FBXO42: variants seen among roughly 807,000 people sequenced by gnomAD.
The protein encoded by FBXO42 is F-box only protein 42.
FBXO42 carries 12 observed loss-of-function variants against 71.7 expected under a neutral mutation model. That is an observed-to-expected ratio of 0.17 (90% CI 0.11 to 0.27). FBXO42 has a LOEUF of 0.27. Among genes scored for constraint, FBXO42 ranks in the 10% least tolerant of loss-of-function variants. The pLI is 1.00. For synonymous variants in FBXO42, 325 were observed against 327.5 expected (o/e 0.99, Z 0.08); for missense variants, 707 against 911.9 (o/e 0.78, Z 2.89).
chr1:16,329,071 G>A (rs1384244014), intron 1 of FBXO42, among the ~76,000 whole-genome samples: 1 of 150,446 alleles, frequency 6.6e-6, no homozygotes, highest in Non-Finnish European at 1.5e-5. Flanking sequence ...GCTGAGGCAC[G>A]AGAATTGCTT....
chr1:16,301,763 G>C (rs2082198145), intron 3 of FBXO42, among the ~76,000 whole-genome samples: 1 of 151,516 alleles, frequency 6.6e-6, no homozygotes, highest in African/African-American at 2.4e-5. Context: ...AATCTTGTGG[G>C]GGAGACATCA....
intron 4 of FBXO42, among the ~76,000 whole-genome samples, chr1:16,290,585 G>A (rs987904748): frequency 1.3e-5 from 2 of 152,008 alleles, no homozygotes; most frequent in African/African-American, 4.8e-5. Context: ...CCAGCTACTC[G>A]GGAGGCTGAG....
rs1260748583 is a variant in FBXO42 at position 16,351,559 on chromosome 1, C to CA, written c.-18+695dup. On this transcript the variant is annotated intron_variant, in intron 1 of 9. Coordinates refer to ENST00000375592, the MANE Select transcript of FBXO42 (RefSeq NM_018994.3). ...ACAAACCGAAGGTTTCAAACGAACTCAGCGCTGAAGTTACTCTGCAGCGAC... is the reference window on the plus strand; with the variant it reads ...ACAAACCGAAGGTTTCAAACGAACTCAAGCGCTGAAGTTACTCTGCAGCGAC... Among the ~76,000 whole-genome samples, 5 of 152,288 alleles carry CA rather than the reference C, an allele frequency of 3.3e-5. No homozygotes were observed. The East Asian group carries it at 9.7e-4, about 29-fold the overall frequency.
intron 3 of FBXO42, 121 bp from the exon 4 acceptor site, chr1:16,295,038 A>C: frequency 8.9e-7 from 1 of 1,122,174 alleles, no homozygotes; most frequent in East Asian, 2.6e-5. Flanking sequence ...ACCAAGTACC[A>C]AATTTCTATT....
In FBXO42 at chr1:16,270,674, CAAAAAAAAAA is replaced by C. The variant is rs34861558; in HGVS notation, c.503-13925_503-13916del. On this transcript the variant is annotated intron_variant, in intron 4 of 9. Transcript: ENST00000375592. The stretch of plus-strand genomic sequence containing the variant: ...AGCAATACAGAGAGACTCTGTCTCT[CAAAAAAAAAA>C]AAAAAAAAAAAAGAAAAGAAAAGAA... 2.7e-3 allele frequency among the ~76,000 whole-genome samples: 41 copies of C among 14,910 alleles called. 4 individuals carry two copies. Among genetic ancestry groups the C allele is most frequent in the African/African-American group, 8.6e-3 (40 of 4,628 alleles). 9.8% of individuals were successfully genotyped at this position (14,910 alleles called of 152,430 possible).
intron 1 of FBXO42, among the ~76,000 whole-genome samples, chr1:16,336,381 T>C (rs2082553880): frequency 6.6e-6 from 1 of 151,356 alleles, no homozygotes; most frequent in Non-Finnish European, 1.5e-5. Flanking sequence ...TTTTTTGAGA[T>C]GTAGTCTAGC....
chr1:16,276,142 G>A (rs901892981), intron 4 of FBXO42, among the ~76,000 whole-genome samples: 6 of 152,190 alleles, frequency 3.9e-5, no homozygotes, highest in South Asian at 2.1e-4. Flanking sequence ...AGCACTTTGG[G>A]AGGCCGAGGT....
rs774544026 is a variant in FBXO42 at position 16,315,165 on chromosome 1, G to A, written c.250+4C>T. ...TAAATAAACCTTTCTCCTATCCACA[G>A]TACCTTTGATAAGTCGATACCACTG... On this transcript the variant is annotated splice_donor_region_variant and intron_variant, in intron 2 of 9. Coordinates refer to ENST00000375592, the MANE Select transcript of FBXO42 (RefSeq NM_018994.3). The A allele has an allele frequency of 3.1e-6, 5 of 1,605,628 alleles. No individual in the cohort carries two copies. In the East Asian group the frequency reaches 9.0e-5, roughly 29 times the overall value.
At position 16,323,088 on chromosome 1, in the gene FBXO42, T is replaced by C. The variant is rs185182886; in HGVS notation, c.-17-7653A>G. Among the ~76,000 whole-genome samples the C allele has an allele frequency of 1.6e-3, 249 of 152,314 alleles. 2 individuals carry two copies. The highest frequency in any genetic ancestry group is 7.6e-4 in the Non-Finnish European group (52 of 68,034). Reference sequence around the variant, plus strand: ...CTAAAAGGAAGCTGAACATTTAAAATGCAATCAAACGTATTTGTCACAAAT... The same window carrying C: ...CTAAAAGGAAGCTGAACATTTAAAACGCAATCAAACGTATTTGTCACAAAT... On this transcript the variant is annotated intron_variant, in intron 1 of 9. Transcript: ENST00000375592.
intron 1 of FBXO42, among the ~76,000 whole-genome samples, chr1:16,330,356 C>T (rs373256407): frequency 1.3e-3 from 172 of 132,142 alleles, no homozygotes; most frequent in African/African-American, 4.9e-3. Context: ...GCCCTGTTTC[C>T]ACAAAAAAAA....
At chr1:16,260,612 A>T (rs1171714087) in intron 4 of FBXO42, among the ~76,000 whole-genome samples, 1 of 152,232 alleles carries the variant, frequency 6.6e-6, no homozygotes, top group African/African-American at 2.4e-5. Flanking sequence ...ACCTGAGGGC[A>T]CAACTCTTTA....
intron 1 of FBXO42, among the ~76,000 whole-genome samples, chr1:16,351,364 C>T (rs958989646): frequency 4.6e-5 from 7 of 152,172 alleles, no homozygotes; most frequent in Non-Finnish European, 8.8e-5. Flanking sequence ...ACGTCGGGGC[C>T]AGCAACTGCC....
intron 1 of FBXO42, among the ~76,000 whole-genome samples, chr1:16,351,882 A>C (rs1323050862): frequency 1.3e-5 from 2 of 151,900 alleles, no homozygotes; most frequent in Non-Finnish European, 2.9e-5. Flanking sequence ...TGGGCACCCG[A>C]CCCCCGACTC....
At position 16,305,935 on chromosome 1, in the gene FBXO42, C is replaced by A. The variant is rs145480899; in HGVS notation, c.251-16G>T. The A allele has an allele frequency of 7.7e-4, 1,197 of 1,546,746 alleles. 9 individuals carry two copies. The African/African-American group carries it at 0.014, about 19-fold the overall frequency. ...TGGGCTACACCTAAGACAGAAAGAG[C>A]AAACCCTTCAGTCCAGACACTTAAC... On this transcript the variant is annotated splice_polypyrimidine_tract_variant and intron_variant, in intron 2 of 9. Coordinates refer to ENST00000375592, the MANE Select transcript of FBXO42 (RefSeq NM_018994.3).
At chr1:16,285,007 G>A (rs1042450009) in intron 4 of FBXO42, among the ~76,000 whole-genome samples, 11 of 140,492 alleles carry the variant, frequency 7.8e-5, no homozygotes, top group Non-Finnish European at 1.4e-4. Flanking sequence ...TTAGCCGGGC[G>A]TGGTGGCACG....
At chr1:16,301,976 C>T (rs1162508180) in intron 3 of FBXO42, among the ~76,000 whole-genome samples, 2 of 152,082 alleles carry the variant, frequency 1.3e-5, no homozygotes, top group Non-Finnish European at 2.9e-5. Context: ...ATTTTTCAGA[C>T]AAAGAAACTG....
In FBXO42 at chr1:16,250,504, T is replaced by C. The variant is rs905983058; in HGVS notation, c.*166A>G. ...ATATATATATATTTATATATAATTT[T>C]TTTTCTTAATGGAGATTTGATCCCA... is the stretch of plus-strand genomic sequence containing the variant. On this transcript the variant is annotated 3_prime_UTR_variant, in exon 10 of 10. Coordinates refer to ENST00000375592, the MANE Select transcript of FBXO42 (RefSeq NM_018994.3). This position sits in a 1 kb window ranked among gnomAD's most constrained non-coding sequence, Gnocchi z 4.7. 5 of 273,822 alleles carry C rather than the reference T, an allele frequency of 1.8e-5. No individual in the cohort carries two copies. The highest frequency in any genetic ancestry group is 1.5e-4 in the Admixed American group (3 of 19,364). The allele number at this position is 273,822 out of a possible 1,614,324, so 17.0% of individuals were successfully genotyped here.
chr1:16,280,839 C>T (rs2081956062), intron 4 of FBXO42, among the ~76,000 whole-genome samples: 1 of 152,122 alleles, frequency 6.6e-6, no homozygotes, highest in African/African-American at 2.4e-5. Flanking sequence ...AGAAAGAACA[C>T]AAACTTTAGA....
intron 1 of FBXO42, among the ~76,000 whole-genome samples, chr1:16,325,165 G>C (rs1044852244): frequency 1.3e-5 from 2 of 152,086 alleles, no homozygotes; most frequent in Admixed American, 1.3e-4. Context: ...TTGAGCCCGA[G>C]AGGTGGAGGC....
Sources: allele counts gnomAD v4.1 joint callset (sites outside exome capture counted in the v4.1 genomes callset), GRCh38; gene constraint gnomAD v4.1.1; non-coding constraint Gnocchi (gnomAD v3.1); transcripts MANE v1.5; gene names NCBI Gene and HGNC (gene_info 2026-07-23, HGNC 2026-07-21).